ITGB8: variants seen among roughly 807,000 people sequenced by gnomAD.
The protein encoded by ITGB8 is integrin beta-8.
ITGB8 carries 30 observed loss-of-function variants against 89.5 expected under a neutral mutation model. The observed-to-expected ratio is 0.34, with a 90% CI of 0.25 to 0.45. The LOEUF is 0.45. Among genes scored for constraint, ITGB8 ranks in the 20% least tolerant of loss-of-function variants. The probability of loss-of-function intolerance (pLI) is 1.00; values close to 1 mark genes in which losing one functional copy is unlikely to be tolerated. For synonymous variants in ITGB8, 335 were observed against 320.4 expected, an observed-to-expected ratio of 1.05 and a Z score of -0.49; for missense variants, 836 against 933.3, an observed-to-expected ratio of 0.90 and a Z score of 1.36.
At chr7:20,350,169 C>T (rs577726967) in intron 1 of ITGB8, among the ~76,000 whole-genome samples, 10 of 152,244 alleles carry the variant, frequency 6.6e-5, no homozygotes, top group East Asian at 5.8e-4. Context: ...TGTTTTGAGA[C>T]GGAGTTTCAC....
intron 3 of ITGB8, chr7:20,377,256 A>C (rs74953764): frequency 0.024 from 3,702 of 152,320 alleles, 61 homozygotes; most frequent in Non-Finnish European, 0.036. Flanking sequence ...GAGCCACCAT[A>C]AACTGCAACG....
chr7:20,338,671 C>T (rs1175337253), intron 1 of ITGB8, among the ~76,000 whole-genome samples: 2 of 151,890 alleles, frequency 1.3e-5, no homozygotes, highest in East Asian at 1.9e-4. Context: ...ATTATTGAGC[C>T]GGGGAGACAA....
In ITGB8 at chr7:20,414,130, T is replaced by C. The variant is rs1051247986; in HGVS notation, c.*4133T>C. ...CAGATGCAGTGTTTAAAATTATGCT[T>C]GAATAAATATTACACTAATCCAACT... is the stretch of plus-strand genomic sequence containing the variant. On this transcript the variant is annotated 3_prime_UTR_variant, in exon 14 of 14. Coordinates refer to ENST00000222573, the MANE Select transcript of ITGB8 (RefSeq NM_002214.3). 6.6e-6 allele frequency: 1 copy of C among 152,148 alleles called. No individual in the cohort carries two copies. Among genetic ancestry groups the C allele is most frequent in the African/African-American group, 2.4e-5 (1 of 41,450 alleles). 9.4% of individuals were successfully genotyped at this position (152,148 alleles called of 1,614,324 possible). A position where few individuals can be genotyped will look rare whatever the true frequency, so the allele number is the denominator to read the frequency against.
intron 10 of ITGB8, 127 bp from the exon 11 acceptor site, chr7:20,404,501 T>C: frequency 1.3e-6 from 1 of 754,212 alleles, no homozygotes; most frequent in Non-Finnish European, 2.3e-6. Flanking sequence ...AATGAAAAAG[T>C]GATGCTGTTC....
intron 6 of ITGB8, among the ~76,000 whole-genome samples, chr7:20,385,625 C>T (rs938382297): frequency 1.3e-5 from 2 of 152,180 alleles, no homozygotes; most frequent in African/African-American, 4.8e-5. Context: ...AAATAGTCAA[C>T]ACTGTGCCTC....
chr7:20,406,602 C>G (rs1264156228), intron 12 of ITGB8, among the ~76,000 whole-genome samples: 1 of 150,876 alleles, frequency 6.6e-6, no homozygotes, highest in East Asian at 1.9e-4. Flanking sequence ...TGAAACATTG[C>G]TTTATTCTTT....
rs576118203 is a variant in ITGB8 at position 20,338,787 on chromosome 7, G to T, written c.127+6854G>T. Among the ~76,000 whole-genome samples the T allele has an allele frequency of 5.3e-4, 81 of 152,286 alleles. 1 individual carries two copies. The highest frequency in any genetic ancestry group is 1.8e-3 in the African/African-American group (75 of 41,546). On this transcript the variant is annotated intron_variant, in intron 1 of 13. Transcript: ENST00000222573. ...CTAAATCCCTTTTGGTAATCTTTGA[G>T]ATGTGTACAGATTATACAAAATTTT... is the stretch of plus-strand genomic sequence containing the variant.
At chr7:20,409,840 C>T in intron 13 of ITGB8, 35 bp from the exon 14 acceptor site, 5 of 1,610,310 alleles carry the variant, frequency 3.1e-6, no homozygotes, top group Non-Finnish European at 4.2e-6. Context: ...AATATTTAGG[C>T]CCTTAGTTAA....
At chr7:20,358,492 C>T (rs1242896904) in intron 1 of ITGB8, among the ~76,000 whole-genome samples, 2 of 151,194 alleles carry the variant, frequency 1.3e-5, no homozygotes, top group Non-Finnish European at 1.5e-5. Context: ...CCTGCTCTTT[C>T]CTGAAAATTT....
At chr7:20,387,555 T>A (rs77844416) in intron 6 of ITGB8, among the ~76,000 whole-genome samples, 2,859 of 152,328 alleles carry the variant, frequency 0.019, 47 homozygotes, top group Non-Finnish European at 0.027. Flanking sequence ...GCTGGTGGTG[T>A]GGTTCTCAAC....
intron 12 of ITGB8, among the ~76,000 whole-genome samples, chr7:20,407,206 G>A (rs1787580229): frequency 6.6e-6 from 1 of 151,918 alleles, no homozygotes; most frequent in African/African-American, 2.4e-5. Flanking sequence ...GTAGATGAGA[G>A]GGGAAAACTA....
intron 1 of ITGB8, among the ~76,000 whole-genome samples, chr7:20,342,721 G>A (rs1053213539): frequency 6.6e-6 from 1 of 151,786 alleles, no homozygotes; most frequent in Admixed American, 6.6e-5. Context: ...AGTGAAAGGT[G>A]GTGGGAATCT....
intron 1 of ITGB8, among the ~76,000 whole-genome samples, chr7:20,361,536 TC>T (rs1785504796): frequency 6.6e-6 from 1 of 152,164 alleles, no homozygotes; most frequent in Non-Finnish European, 1.5e-5. Flanking sequence ...GGAGCCTTAA[TC>T]CCATTCAGAA....
At chr7:20,380,962 T>C (rs1786354548) in intron 5 of ITGB8, 131 bp downstream of exon 5, 4 of 741,340 alleles carry the variant, frequency 5.4e-6, no homozygotes, top group Non-Finnish European at 8.9e-6. Context: ...TATCTCTTAC[T>C]CCTCACCAAG....
chr7:20,348,361 G>A (rs1784997872), intron 1 of ITGB8, among the ~76,000 whole-genome samples: 1 of 152,158 alleles, frequency 6.6e-6, no homozygotes, highest in Non-Finnish European at 1.5e-5. Flanking sequence ...TGTTGCTTAG[G>A]ATGCATCACC....
At chr7:20,380,331 TAAG>T (rs1786325532) in intron 4 of ITGB8, 1 of 191,138 alleles carries the variant, frequency 5.2e-6, no homozygotes, top group Non-Finnish European at 1.1e-5. Context: ...TGTTCAATGA[TAAG>T]AAATCACTGC....
intron 6 of ITGB8, among the ~76,000 whole-genome samples, chr7:20,388,447 G>C (rs1449180811): frequency 6.6e-6 from 1 of 152,146 alleles, no homozygotes; most frequent in Non-Finnish European, 1.5e-5. Context: ...GAAGGAAAGG[G>C]GAAGGGGCTT....
intron 1 of ITGB8, among the ~76,000 whole-genome samples, chr7:20,335,657 T>G (rs1001544070): frequency 3.9e-5 from 6 of 152,248 alleles, no homozygotes; most frequent in African/African-American, 7.2e-5. Context: ...CCGTAACTCC[T>G]CTCTCCGATT....
In ITGB8 at chr7:20,331,594, G is replaced by C; in HGVS notation, c.-213G>C. On this transcript the variant is annotated 5_prime_UTR_variant, in exon 1 of 14. Coordinates refer to ENST00000222573, the MANE Select transcript of ITGB8 (RefSeq NM_002214.3). ...CGGAGACCGCGGGACCCGCCGTGCC[G>C]AGCCGGGAGGGCCGCAGGGGCCCTG... is the stretch of plus-strand genomic sequence containing the variant. 1 of 491,624 alleles carries C rather than the reference G, an allele frequency of 2.0e-6. No individual in the cohort carries two copies. The highest frequency in any genetic ancestry group is 3.4e-6 in the Non-Finnish European group (1 of 297,312). The allele number at this position is 491,624 out of a possible 1,614,324, so 30.5% of individuals were successfully genotyped here.
Sources: gnomAD v4.1 joint callset for allele counts (sites outside exome capture counted in the v4.1 genomes callset) on GRCh38, gnomAD v4.1.1 for gene constraint, MANE v1.5 for transcripts, NCBI Gene and HGNC (gene_info 2026-07-23, HGNC 2026-07-21) for gene names.